The following SH3KBP1 variants were observed in gnomAD, a reference collection of about 807,000 sequenced individuals.
The protein encoded by SH3KBP1 is SH3 domain containing kinase binding protein 1.
A neutral mutation model predicts 50.1 loss-of-function variants in SH3KBP1; 8 were observed. The observed-to-expected ratio is 0.16, with a 90% CI of 0.09 to 0.29. SH3KBP1 has a LOEUF of 0.29. SH3KBP1 is among the 10% of genes least tolerant of loss of function. SH3KBP1 has a pLI of 1.00. For synonymous variants in SH3KBP1, 227 were observed against 218.6 expected, an observed-to-expected ratio of 1.04 and a Z score of -0.34; for missense variants, 377 against 535.2, an observed-to-expected ratio of 0.70 and a Z score of 2.92.
chrX:19,536,226 C>T lies in SH3KBP1; in HGVS notation c.*191G>A, dbSNP rs1168105480. On this transcript the variant is annotated 3_prime_UTR_variant, in exon 18 of 18. Coordinates refer to ENST00000397821, the MANE Select transcript of SH3KBP1 (RefSeq NM_031892.3). ...GTCACAACGAGTGCCAGCCCCAGGA[C>T]TAAACCCTGGGGAAGATTCTCCTCT... 1 of 365,406 alleles carries T rather than the reference C, an allele frequency of 2.7e-6. No individual in the cohort carries two copies. Among genetic ancestry groups the T allele is most frequent in the Admixed American group, 5.4e-5 (1 of 18,445 alleles). 30.1% of individuals were successfully genotyped at this position (365,406 alleles called of 1,213,427 possible). A position where few individuals can be genotyped will look rare whatever the true frequency, so the allele number is the denominator to read the frequency against.
At chrX:19,833,144 G>C (rs1307665551) in intron 2 of SH3KBP1, among the ~76,000 whole-genome samples, 2 of 109,964 alleles carry the variant, frequency 1.8e-5, no homozygotes, top group Non-Finnish European at 3.8e-5. Context: ...TCTTTCCCAT[G>C]GTCCTCCTCT....
chrX:19,772,505 G>A (rs2065819274), intron 2 of SH3KBP1, among the ~76,000 whole-genome samples: 1 of 110,436 alleles, frequency 9.1e-6, no homozygotes, highest in African/African-American at 3.3e-5. Flanking sequence ...AAGAAAATTC[G>A]AGGCCTAATA....
chrX:19,596,573 T>C (rs936095214), intron 9 of SH3KBP1, among the ~76,000 whole-genome samples: 1 of 111,884 alleles, frequency 8.9e-6, no homozygotes, highest in Non-Finnish European at 1.9e-5. Context: ...AAAATTTTTC[T>C]GTATCATGCG....
At chrX:19,873,308 A>ATATGTATATATATATG (rs2069123096) in intron 1 of SH3KBP1, among the ~76,000 whole-genome samples, 1 of 97,525 alleles carries the variant, frequency 1.0e-5, no homozygotes, top group African/African-American at 4.2e-5. Flanking sequence ...ATATATATAT[A>ATATGTATATATATATG]TATACATATA....
chrX:19,880,452 A>G (rs1260157009), intron 1 of SH3KBP1, among the ~76,000 whole-genome samples: 1 of 112,875 alleles, frequency 8.9e-6, no homozygotes, highest in Non-Finnish European at 1.9e-5. Flanking sequence ...TACAAGAGGA[A>G]ATGTTGTATC....
chrX:19,549,979 T>C lies in SH3KBP1; in HGVS notation c.1489A>G (p.Thr497Ala), dbSNP rs760477895. 3 of 1,185,115 alleles carry C rather than the reference T, an allele frequency of 2.5e-6. No homozygotes were observed. The highest frequency in any genetic ancestry group is 4.4e-5 in the Admixed American group (2 of 45,162). ...CAGTTTGAGGAGACACTTACAGATG[T>C]GAGGGACTGGGACGGAGGCCGCCTC... The part of the protein sequence containing the change: ...TGRRPPSQSL[T>A]SSSLSSPDIF... Residue 497 changes from threonine to alanine, a missense_variant, in exon 14 of 18, where the codon ACA (threonine) becomes GCA (alanine). By Grantham distance (58) the Thr-to-Ala change is moderately conservative. Coordinates refer to ENST00000397821, the MANE Select transcript of SH3KBP1 (RefSeq NM_031892.3).
chrX:19,816,640 C>A (rs1407025964), intron 2 of SH3KBP1, among the ~76,000 whole-genome samples: 1 of 110,499 alleles, frequency 9.0e-6, no homozygotes, highest in Admixed American at 9.6e-5. Context: ...GACTCCATCT[C>A]TACAAAAAAT....
At chrX:19,770,085 G>C (rs980111583) in intron 2 of SH3KBP1, among the ~76,000 whole-genome samples, 24 of 111,792 alleles carry the variant, frequency 2.1e-4, no homozygotes, top group Non-Finnish European at 2.3e-4. Context: ...ACTAAGTGCA[G>C]GTTTGTTATA....
At chrX:19,845,033 G>A (rs1410026738) in intron 1 of SH3KBP1, among the ~76,000 whole-genome samples, 3 of 110,859 alleles carry the variant, frequency 2.7e-5, no homozygotes, top group African/African-American at 9.9e-5. Flanking sequence ...GAGCCAAGAC[G>A]GCACCACTGC....
chrX:19,866,905 G>A (rs1276154278), intron 1 of SH3KBP1, among the ~76,000 whole-genome samples: 2 of 108,241 alleles, frequency 1.8e-5, no homozygotes, highest in Non-Finnish European at 3.8e-5. Flanking sequence ...CTTACAACAC[G>A]ACAAGGCCAA....
intron 12 of SH3KBP1, chrX:19,588,308 G>A (rs1602575099): frequency 1.4e-5 from 15 of 1,056,462 alleles, no homozygotes; most frequent in Admixed American, 3.9e-5. Context: ...AGAGGGACAC[G>A]CCACCTGCAT....
chrX:19,724,475 G>A (rs1261877419), intron 3 of SH3KBP1, among the ~76,000 whole-genome samples: 2 of 112,343 alleles, frequency 1.8e-5, no homozygotes, highest in African/African-American at 6.5e-5. Context: ...CTGCCGCAGA[G>A]ATCAGCAAAC....
intron 1 of SH3KBP1, among the ~76,000 whole-genome samples, chrX:19,870,394 G>A (rs747108728): frequency 2.8e-4 from 31 of 109,584 alleles, no homozygotes; most frequent in Admixed American, 2.7e-3. Context: ...CCAGGCTGGA[G>A]TGCAGTGGCA....
chrX:19,880,350 T>C (rs759825965), intron 1 of SH3KBP1, among the ~76,000 whole-genome samples: 1 of 112,326 alleles, frequency 8.9e-6, no homozygotes, highest in Non-Finnish European at 1.9e-5. Context: ...AAGGGTTACA[T>C]GTTCATTCAT....
At chrX:19,704,180 A>G (rs1395725774) in intron 4 of SH3KBP1, among the ~76,000 whole-genome samples, 3 of 111,968 alleles carry the variant, frequency 2.7e-5, no homozygotes. Flanking sequence ...CCTTTTTCCT[A>G]TTTGAAGCAA....
chrX:19,742,673 T>A lies in SH3KBP1; in HGVS notation c.286+3645A>T, dbSNP rs767037917. ...GCTTTTTTAAAAAAGTCTCTATATA[T>A]CAATGCTCCAATTTAGGAGGGCCCA... On this transcript the variant is annotated intron_variant, in intron 3 of 17. Coordinates refer to ENST00000397821, the MANE Select transcript of SH3KBP1 (RefSeq NM_031892.3). 1.6e-4 allele frequency among the ~76,000 whole-genome samples: 18 copies of A among 111,602 alleles called. No individual in the cohort carries two copies. The East Asian group carries it at 5.0e-3, about 31-fold the overall frequency.
chrX:19,541,975 T>C lies in SH3KBP1; in HGVS notation c.1842A>G (p.Thr614=), dbSNP rs758619044. The part of the protein sequence containing the change: ...SSQAAVEELR[T]QVRELRSIIE... ...TGATGCTCCTCAGCTCGCGGACCTG[T>C]GTCCTTAGCTCCTCCACGGCCGCCT... is the stretch of plus-strand genomic sequence containing the variant. The change falls in exon 16 of 18, where the codon ACA becomes ACG. Residue 614 remains threonine (T), a synonymous_variant. Coordinates refer to ENST00000397821, the MANE Select transcript of SH3KBP1 (RefSeq NM_031892.3). 5 of 1,210,076 alleles carry C rather than the reference T, an allele frequency of 4.1e-6. No individual in the cohort carries two copies. Among genetic ancestry groups the C allele is most frequent in the African/African-American group, 3.5e-5 (2 of 57,213 alleles).
intron 3 of SH3KBP1, among the ~76,000 whole-genome samples, chrX:19,711,137 C>A (rs2063766162): frequency 9.0e-6 from 1 of 111,203 alleles, no homozygotes; most frequent in South Asian, 3.8e-4. Context: ...ATCTCCCTCC[C>A]ACATCTGACT....
At chrX:19,760,023 C>CTGTCTCTCTCTCTCTCTCTCTCT (rs1556345973) in intron 2 of SH3KBP1, among the ~76,000 whole-genome samples, 1 of 83,582 alleles carries the variant, frequency 1.2e-5, no homozygotes, top group African/African-American at 5.9e-5. Context: ...CTCTCTCTCT[C>CTGTCTCTCTCTCTCTCTCTCTCT]CTCTCTCTCT....
Sources: gnomAD v4.1 joint callset for allele counts (sites outside exome capture counted in the v4.1 genomes callset) on GRCh38, gnomAD v4.1.1 for gene constraint, MANE v1.5 for transcripts, NCBI Gene and HGNC (gene_info 2026-07-23, HGNC 2026-07-21) for gene names.